The following FHIT variants were observed in gnomAD, a reference collection of about 807,000 sequenced individuals.
FHIT encodes fragile histidine triad diadenosine triphosphatase, also known as bis(5'-adenosyl)-triphosphatase.
Under a neutral mutation model 17.9 loss-of-function variants are expected in FHIT, and 19 were observed. The ratio of observed to expected loss-of-function variants is 1.06; its 90% confidence interval spans 0.74 to 1.56. FHIT has a LOEUF of 1.56. Among genes scored for constraint, FHIT ranks in the 40% most tolerant of loss-of-function variants. The pLI, the probability that FHIT is intolerant of heterozygous loss-of-function variation, is 0.00. For missense variants in FHIT, 248 were observed against 189.2 expected (o/e 1.31, Z -1.82); for synonymous variants, 81 against 69.7 (o/e 1.16, Z -0.81).
Position 60,182,291 on chromosome 3 carries a change from C to A in FHIT, c.104-168139G>T, listed in dbSNP as rs1353465529. On this transcript the variant is annotated intron_variant, in intron 5 of 9. Coordinates refer to ENST00000492590, the MANE Select transcript of FHIT (RefSeq NM_002012.4). ...TGACCTGAAAACAAATCCTACAGGC[C>A]TCCTACCTCAACAAGGCAGCATCAA... Among the ~76,000 whole-genome samples the A allele has an allele frequency of 2.0e-5, 3 of 152,148 alleles. 1 individual carries two copies. Among genetic ancestry groups the A allele is most frequent in the African/African-American group, 2.4e-5 (1 of 41,428 alleles).
chr3:60,166,353 T>A (rs1701175331), intron 5 of FHIT, among the ~76,000 whole-genome samples: 1 of 152,190 alleles, frequency 6.6e-6, no homozygotes, highest in South Asian at 2.1e-4. Flanking sequence ...GAAGACATTA[T>A]ATAAACACTA....
At chr3:60,957,032 T>G (rs1553779126) in intron 3 of FHIT, among the ~76,000 whole-genome samples, 2 of 152,136 alleles carry the variant, frequency 1.3e-5, no homozygotes. Context: ...TGCACTACTT[T>G]ACACACCCTC....
chr3:60,477,677 A>G (rs982976578), intron 5 of FHIT, among the ~76,000 whole-genome samples: 3 of 152,226 alleles, frequency 2.0e-5, no homozygotes, highest in African/African-American at 7.2e-5. Flanking sequence ...AACCTTTTAT[A>G]TACATATGTA....
At chr3:60,514,935 G>C (rs1243476991) in intron 5 of FHIT, among the ~76,000 whole-genome samples, 1 of 151,806 alleles carries the variant, frequency 6.6e-6, no homozygotes, top group Non-Finnish European at 1.5e-5. Context: ...GTCCCTGGTG[G>C]GAAGCCAGGC....
At chr3:60,389,530 G>C (rs1488830786) in intron 5 of FHIT, among the ~76,000 whole-genome samples, 5 of 152,096 alleles carry the variant, frequency 3.3e-5, no homozygotes, top group Admixed American at 2.6e-4. Flanking sequence ...GTCTGGCTTG[G>C]AAGATTTTTA....
At chr3:59,885,848 C>T (rs1413075743) in intron 8 of FHIT, among the ~76,000 whole-genome samples, 3 of 152,164 alleles carry the variant, frequency 2.0e-5, no homozygotes, top group East Asian at 1.9e-4. Flanking sequence ...TATATGAACT[C>T]GCACATACTC....
rs560494004 is a variant in FHIT at position 60,437,827 on chromosome 3, T to G, written c.103+99033A>C. Among the ~76,000 whole-genome samples the G allele has an allele frequency of 5.9e-4, 90 of 152,106 alleles. No homozygotes were observed. In the Middle Eastern group the frequency reaches 0.01, roughly 17 times the overall value. ...ATTCTAAAAATATGGAGTTAATAGGTGTTTGGCTGACATACTTTAAGATAT... is the reference window on the plus strand; with the variant it reads ...ATTCTAAAAATATGGAGTTAATAGGGGTTTGGCTGACATACTTTAAGATAT... On this transcript the variant is annotated intron_variant, in intron 5 of 9. Transcript: ENST00000492590.
At chr3:60,053,760 T>G (rs939715182) in intron 5 of FHIT, among the ~76,000 whole-genome samples, 1 of 151,818 alleles carries the variant, frequency 6.6e-6, no homozygotes, top group Non-Finnish European at 1.5e-5. Context: ...GTCCTCTCCA[T>G]TTCTTACTAC....
intron 3 of FHIT, among the ~76,000 whole-genome samples, chr3:60,837,599 C>T (rs1702581815): frequency 6.6e-6 from 1 of 152,100 alleles, no homozygotes; most frequent in Admixed American, 6.5e-5. Flanking sequence ...GACCATTTAA[C>T]TTTAATGTAA....
At chr3:61,079,884 A>G (rs1031348493) in intron 2 of FHIT, among the ~76,000 whole-genome samples, 1 of 152,206 alleles carries the variant, frequency 6.6e-6, no homozygotes, top group African/African-American at 2.4e-5. Context: ...TAAATATGTG[A>G]TTTAAAGTAT....
intron 5 of FHIT, among the ~76,000 whole-genome samples, chr3:60,443,217 A>T (rs1180264874): frequency 6.6e-6 from 1 of 152,196 alleles, no homozygotes; most frequent in Non-Finnish European, 1.5e-5. Flanking sequence ...TGTCATCTGC[A>T]AACAGTGACA....
intron 5 of FHIT, among the ~76,000 whole-genome samples, chr3:60,109,622 G>A (rs2107173720): frequency 6.6e-6 from 1 of 152,226 alleles, no homozygotes; most frequent in East Asian, 1.9e-4. Flanking sequence ...AGAAGCAAGT[G>A]GTTAATGGTT....
chr3:59,787,480 A>AC (rs1394695154), intron 8 of FHIT, among the ~76,000 whole-genome samples: 3 of 106,550 alleles, frequency 2.8e-5, no homozygotes, highest in African/African-American at 7.7e-5. Context: ...ACAAGGGGCA[A>AC]AACACACACA....
chr3:59,822,262 G>T (rs1014917497), intron 8 of FHIT, among the ~76,000 whole-genome samples: 1 of 152,202 alleles, frequency 6.6e-6, no homozygotes, highest in Admixed American at 6.5e-5. Context: ...GAACATGTGT[G>T]TGCAAGTACC....
intron 7 of FHIT, among the ~76,000 whole-genome samples, chr3:59,957,053 G>A (rs76123622): frequency 0.021 from 3,186 of 152,224 alleles, 122 homozygotes; most frequent in African/African-American, 0.072. Flanking sequence ...TTCAGTCCTG[G>A]AAACCTGGCA....
chr3:59,816,974 C>T (rs555211053), intron 8 of FHIT, among the ~76,000 whole-genome samples: 53 of 152,228 alleles, frequency 3.5e-4, no homozygotes, highest in African/African-American at 1.1e-3. Flanking sequence ...AGTATAAACT[C>T]GTGGGACCTA....
At chr3:61,186,304 T>G (rs2038506848) in intron 2 of FHIT, among the ~76,000 whole-genome samples, 1 of 152,192 alleles carries the variant, frequency 6.6e-6, no homozygotes, top group Non-Finnish European at 1.5e-5. Context: ...CTCCCAGTCC[T>G]GCCAAGCAAG....
intron 8 of FHIT, among the ~76,000 whole-genome samples, chr3:59,875,710 G>C (rs1703121682): frequency 6.6e-6 from 1 of 152,000 alleles, no homozygotes; most frequent in African/African-American, 2.4e-5. Context: ...ATTATTCATG[G>C]GTTAATATTA....
chr3:60,901,514 C>T (rs1553763182), intron 3 of FHIT, among the ~76,000 whole-genome samples: 5 of 152,170 alleles, frequency 3.3e-5, no homozygotes, highest in Non-Finnish European at 5.9e-5. Context: ...AAGAATAACT[C>T]TAAGTCATTA....
Sources: allele counts gnomAD v4.1 joint callset (sites outside exome capture counted in the v4.1 genomes callset), GRCh38; gene constraint gnomAD v4.1.1; transcripts MANE v1.5; gene names NCBI Gene and HGNC (gene_info 2026-07-23, HGNC 2026-07-21).